The following ARHGEF6 variants were observed in gnomAD, a reference collection of about 807,000 sequenced individuals.
ARHGEF6 encodes the protein rho guanine nucleotide exchange factor 6.
Under a neutral mutation model 70.3 loss-of-function variants are expected in ARHGEF6, and 9 were observed. The observed-to-expected ratio is 0.13, with a 90% CI of 0.08 to 0.22. The LOEUF is 0.22. Ranked by LOEUF, ARHGEF6 falls within the 10% of genes least tolerant of loss-of-function variation. The pLI, the probability that ARHGEF6 is intolerant of heterozygous loss-of-function variation, is 1.00. For synonymous variants in ARHGEF6, 201 were observed against 207.8 expected (o/e 0.97, Z 0.28); for missense variants, 470 against 563.0 (o/e 0.83, Z 1.67).
intron 9 of ARHGEF6, among the ~76,000 whole-genome samples, chrX:136,701,898 A>G (rs1262782185): frequency 9.2e-6 from 1 of 108,924 alleles, no homozygotes; most frequent in African/African-American, 3.3e-5. Flanking sequence ...TAGTAGAGAC[A>G]GGGTTTCGCT....
chrX:136,689,414 T>G (rs1254836630), intron 10 of ARHGEF6, among the ~76,000 whole-genome samples: 1 of 112,167 alleles, frequency 8.9e-6, no homozygotes, highest in African/African-American at 3.2e-5. Flanking sequence ...AAGTGCATAT[T>G]TGCATTTCAA....
chrX:136,737,576 G>A (rs1273250709), intron 5 of ARHGEF6: 4 of 672,484 alleles, frequency 5.9e-6, no homozygotes, highest in Non-Finnish European at 7.0e-6. Context: ...AATAAAGCCC[G>A]GGCACGGTGG....
chrX:136,710,906 T>C (rs2076678109), intron 7 of ARHGEF6, among the ~76,000 whole-genome samples: 1 of 111,713 alleles, frequency 9.0e-6, no homozygotes, highest in Non-Finnish European at 1.9e-5. Flanking sequence ...TATGAAGAAA[T>C]GCTCAGTATC....
intron 2 of ARHGEF6, chrX:136,767,270 A>C: frequency 4.0e-6 from 3 of 754,764 alleles, no homozygotes; most frequent in Non-Finnish European, 4.7e-6. Flanking sequence ...AGCCTGTGCC[A>C]AGGCTGCGGG....
intron 6 of ARHGEF6, among the ~76,000 whole-genome samples, chrX:136,729,936 C>CAT (rs927487921): frequency 2.0e-4 from 22 of 108,639 alleles, no homozygotes; most frequent in Middle Eastern, 9.5e-3. Flanking sequence ...CATATATATG[C>CAT]ATATATATAT....
chrX:136,751,827 T>C (rs905309049), intron 2 of ARHGEF6, among the ~76,000 whole-genome samples: 1 of 112,209 alleles, frequency 8.9e-6, no homozygotes, highest in African/African-American at 3.2e-5. Context: ...ACCTGGTTTA[T>C]GGCTTTTTGT....
rs192539996 is a variant in ARHGEF6 at position 136,740,449 on chromosome X, T to G, written c.661+3136A>C. Among the ~76,000 whole-genome samples the G allele has an allele frequency of 2.0e-3, 220 of 111,414 alleles. 1 individual carries two copies. The highest frequency in any genetic ancestry group is 3.2e-3 in the Non-Finnish European group (171 of 53,039). ...AGAGGTTGTTCCATACACTGCTAGT[T>G]CCAGGCCTTCCCTGACTAGCACTCA... On this transcript the variant is annotated intron_variant, in intron 5 of 21. Coordinates refer to ENST00000250617, the MANE Select transcript of ARHGEF6 (RefSeq NM_004840.3).
At chrX:136,754,466 T>C (rs181359768) in intron 2 of ARHGEF6, among the ~76,000 whole-genome samples, 306 of 105,310 alleles carry the variant, frequency 2.9e-3, no homozygotes, top group African/African-American at 0.01. Flanking sequence ...GCACCTGTAA[T>C]CCCAGCTACT....
At chrX:136,733,127 T>A (rs1258275732) in intron 5 of ARHGEF6, among the ~76,000 whole-genome samples, 1 of 110,363 alleles carries the variant, frequency 9.1e-6, no homozygotes, top group African/African-American at 3.3e-5. Flanking sequence ...CTTTCTTTTT[T>A]TTTAAAAAAA....
intron 2 of ARHGEF6, among the ~76,000 whole-genome samples, chrX:136,760,936 T>C (rs1213431383): frequency 8.9e-6 from 1 of 112,315 alleles, no homozygotes; most frequent in Non-Finnish European, 1.9e-5. Context: ...CAACTGAAAA[T>C]AGTCTTTTCT....
chrX:136,773,719 A>C (rs768642027), intron 2 of ARHGEF6, among the ~76,000 whole-genome samples: 1 of 111,992 alleles, frequency 8.9e-6, no homozygotes, highest in South Asian at 3.7e-4. Flanking sequence ...AGATACTATT[A>C]ATGTCTCCAT....
chrX:136,707,856 G>A (rs1383648383), intron 8 of ARHGEF6, among the ~76,000 whole-genome samples: 1 of 111,618 alleles, frequency 9.0e-6, no homozygotes, highest in Non-Finnish European at 1.9e-5. Context: ...TACGCTGCTT[G>A]AAAAATTAGT....
At chrX:136,732,217 T>C (rs1041966238) in intron 5 of ARHGEF6, 45 bp from the exon 6 acceptor site, 12 of 1,010,586 alleles carry the variant, frequency 1.2e-5, no homozygotes, top group Admixed American at 2.3e-5. Flanking sequence ...CAGAAGGCTA[T>C]GATGAACATT....
At chrX:136,676,834 A>G (rs755372256) in intron 17 of ARHGEF6, 117 bp from the exon 18 acceptor site, 57 of 531,545 alleles carry the variant, frequency 1.1e-4, no homozygotes, top group Non-Finnish European at 1.7e-4. Flanking sequence ...AGTTAGGAGT[A>G]CATCAATGTT....
chrX:136,745,114 T>A, intron 4 of ARHGEF6, 109 bp downstream of exon 4: 34 of 1,029,295 alleles, frequency 3.3e-5, no homozygotes, highest in Non-Finnish European at 4.6e-5. Context: ...TTCTCAGTGA[T>A]GCCCAAAACA....
rs190255594 is a variant in ARHGEF6, at chrX:136,710,044, G to T, written c.828-1274C>A. Among the ~76,000 whole-genome samples, 480 of 110,283 alleles carry T rather than the reference G, an allele frequency of 4.4e-3. 2 individuals carry two copies. Among genetic ancestry groups the T allele is most frequent in the Middle Eastern group, 0.014 (3 of 211 alleles). ...CACTAGGCCGGGTGTGGTGGCTCAC[G>T]CCTGAAATCCCAGCACTTTGGGAGG... On this transcript the variant is annotated intron_variant, in intron 7 of 21. Coordinates refer to ENST00000250617, the MANE Select transcript of ARHGEF6 (RefSeq NM_004840.3).
chrX:136,670,745 G>C (rs775882047), intron 20 of ARHGEF6, among the ~76,000 whole-genome samples: 1 of 111,990 alleles, frequency 8.9e-6, no homozygotes, highest in Non-Finnish European at 1.9e-5. Flanking sequence ...TCTGTGCTAT[G>C]ACATTGCCCT....
At chrX:136,709,560 G>T (rs1049402791) in intron 7 of ARHGEF6, among the ~76,000 whole-genome samples, 1 of 113,060 alleles carries the variant, frequency 8.8e-6, no homozygotes, top group African/African-American at 3.2e-5. Context: ...TCATCCAAAG[G>T]TACAAAGCCA....
At position 136,669,004 on chromosome X, in the gene ARHGEF6, T is replaced by C. The variant is rs751811608; in HGVS notation, c.2190+478A>G. ...CTCTGACAGGTTTCACCCTGAGTTTTGTAAGAACCTCCTAAGTGGTCTTCT... is the reference window on the plus strand; with the variant it reads ...CTCTGACAGGTTTCACCCTGAGTTTCGTAAGAACCTCCTAAGTGGTCTTCT... On this transcript the variant is annotated intron_variant, in intron 21 of 21. Coordinates refer to ENST00000250617, the MANE Select transcript of ARHGEF6 (RefSeq NM_004840.3). 9.7e-4 allele frequency among the ~76,000 whole-genome samples: 108 copies of C among 111,757 alleles called. 1 individual carries two copies. Among genetic ancestry groups the C allele is most frequent in the African/African-American group, 3.3e-3 (101 of 30,732 alleles).
Sources: allele counts gnomAD v4.1 joint callset (sites outside exome capture counted in the v4.1 genomes callset), GRCh38; gene constraint gnomAD v4.1.1; transcripts MANE v1.5; gene names NCBI Gene and HGNC (gene_info 2026-07-23, HGNC 2026-07-21).